Variants in NXN observed in about 807,000 individuals in gnomAD.
The protein encoded by NXN is nucleoredoxin 1.
A neutral mutation model predicts 48.6 loss-of-function variants in NXN; 16 were observed. The observed-to-expected ratio is 0.33, with a 90% CI of 0.22 to 0.50. NXN has a LOEUF of 0.50. Ranked by LOEUF, NXN falls within the 20% of genes least tolerant of loss-of-function variation. NXN has a pLI of 0.98. For missense variants in NXN, 492 were observed against 605.5 expected, an observed-to-expected ratio of 0.81 and a Z score of 1.97; for synonymous variants, 281 against 269.6, an observed-to-expected ratio of 1.04 and a Z score of -0.41.
At chr17:910,232 C>A (rs1011334349) in intron 1 of NXN, among the ~76,000 whole-genome samples, 9 of 151,984 alleles carry the variant, frequency 5.9e-5, no homozygotes, top group Non-Finnish European at 1.3e-4. Flanking sequence ...GCCAACAGGG[C>A]GAGACCCTGT....
rs908351657 is a variant in NXN at position 853,726 on chromosome 17, T to A, written c.361-27648A>T. On this transcript the variant is annotated intron_variant, in intron 1 of 7. Transcript: ENST00000336868. ...ACATATATATATATATATATATATT[T>A]TTTTTTTTTTTTCCAAGACGGAGTC... 7.2e-3 allele frequency among the ~76,000 whole-genome samples: 995 copies of A among 138,256 alleles called. 7 individuals are homozygous for A. The highest frequency in any genetic ancestry group is 0.017 in the East Asian group (86 of 4,928). The allele number at this position is 138,256 out of a possible 152,430, so 90.7% of individuals were successfully genotyped here.
At chr17:907,281 T>G (rs1489514961) in intron 1 of NXN, among the ~76,000 whole-genome samples, 3 of 152,136 alleles carry the variant, frequency 2.0e-5, no homozygotes, top group Admixed American at 6.6e-5. Context: ...TACCTGTGAA[T>G]TTAGGTGATT....
intron 1 of NXN, chr17:959,207 G>A (rs1367710903): frequency 1.9e-6 from 2 of 1,035,576 alleles, no homozygotes; most frequent in Non-Finnish European, 2.6e-6. Flanking sequence ...GCCAGTACGT[G>A]TGTCAGCAGA....
At chr17:850,923 C>T (rs1386677585) in intron 1 of NXN, among the ~76,000 whole-genome samples, 1 of 152,172 alleles carries the variant, frequency 6.6e-6, no homozygotes, top group East Asian at 1.9e-4. Flanking sequence ...GAGGCGGCAA[C>T]GAGACTTGAC....
chr17:812,571 C>G (rs1218233042), intron 5 of NXN, among the ~76,000 whole-genome samples: 2 of 151,724 alleles, frequency 1.3e-5, no homozygotes, highest in African/African-American at 4.9e-5. Context: ...GTGTGTGAGT[C>G]TGTGTGTGCA....
chr17:971,438 C>T (rs1274709365), intron 1 of NXN, among the ~76,000 whole-genome samples: 2 of 151,932 alleles, frequency 1.3e-5, no homozygotes, highest in South Asian at 2.1e-4. Flanking sequence ...AGACCGAGCG[C>T]GGTGGCTCAC....
intron 1 of NXN, among the ~76,000 whole-genome samples, chr17:878,980 C>T (rs1360830030): frequency 1.3e-5 from 2 of 152,030 alleles, no homozygotes; most frequent in African/African-American, 4.8e-5. Flanking sequence ...GCCTGACCAA[C>T]ATGGCGAAAC....
At chr17:912,750 C>T (rs754463427) in intron 1 of NXN, among the ~76,000 whole-genome samples, 9 of 152,024 alleles carry the variant, frequency 5.9e-5, no homozygotes, top group Non-Finnish European at 7.4e-5. Flanking sequence ...GTCAGGAGTT[C>T]GAGACCAGCC....
chr17:879,295 GTTTTTTT>G (rs762029954), intron 1 of NXN, among the ~76,000 whole-genome samples: 1 of 60,306 alleles, frequency 1.7e-5, no homozygotes, highest in African/African-American at 4.0e-5. Context: ...TTGGTTTTTT[GTTTTTTT>G]TTTTTGAGAC....
rs113354297 is a variant in NXN, at chr17:885,536, A to G, written c.361-59458T>C. Among the ~76,000 whole-genome samples, 299 of 151,932 alleles carry G rather than the reference A, an allele frequency of 2.0e-3. 1 individual carries two copies. Among genetic ancestry groups the G allele is most frequent in the African/African-American group, 6.6e-3 (272 of 41,430 alleles). On this transcript the variant is annotated intron_variant, in intron 1 of 7. Coordinates refer to ENST00000336868, the MANE Select transcript of NXN (RefSeq NM_022463.5). ...TTCAGGATTTCATAGTCCGTCTCCT[A>G]TGTCTAGTCTTTCATTTCTCATAAT...
chr17:883,468 G>A (rs1369367041), intron 1 of NXN, among the ~76,000 whole-genome samples: 2 of 151,578 alleles, frequency 1.3e-5, no homozygotes, highest in Admixed American at 6.6e-5. Context: ...TCCAAACCCC[G>A]CCTACATCAC....
chr17:951,777 C>A (rs1171339837), intron 1 of NXN, among the ~76,000 whole-genome samples: 1 of 152,212 alleles, frequency 6.6e-6, no homozygotes, highest in Non-Finnish European at 1.5e-5. Context: ...GCAGCAGGAA[C>A]CTTCACCTGG....
chr17:801,443 C>CTT (rs71371579), intron 7 of NXN, among the ~76,000 whole-genome samples: 1,853 of 104,192 alleles, frequency 0.018, 160 homozygotes, highest in African/African-American at 0.061. Flanking sequence ...ATGTCACATT[C>CTT]TTTTTTTTTT....
chr17:898,843 G>A (rs2068512002), intron 1 of NXN, among the ~76,000 whole-genome samples: 1 of 70,216 alleles, frequency 1.4e-5, no homozygotes, highest in Admixed American at 1.6e-4. Flanking sequence ...AAAACAGACT[G>A]TCTCAAAAAA....
At chr17:856,353 A>G (rs1269786016) in intron 1 of NXN, among the ~76,000 whole-genome samples, 1 of 152,196 alleles carries the variant, frequency 6.6e-6, no homozygotes, top group Non-Finnish European at 1.5e-5. Flanking sequence ...AAACTTGCTC[A>G]TGGAGGTCTT....
chr17:866,175 T>C (rs892329921), intron 1 of NXN, among the ~76,000 whole-genome samples: 1 of 152,190 alleles, frequency 6.6e-6, no homozygotes, highest in Admixed American at 6.5e-5. Flanking sequence ...AGGAAGAGAC[T>C]GGCAAGATAT....
intron 3 of NXN, among the ~76,000 whole-genome samples, chr17:823,092 T>A (rs1368821744): frequency 8.0e-6 from 1 of 125,566 alleles, no homozygotes; most frequent in Non-Finnish European, 1.6e-5. Flanking sequence ...AGAGCAAGAC[T>A]CTGTCTCAAA....
chr17:893,233 G>C (rs1055181440), intron 1 of NXN, among the ~76,000 whole-genome samples: 2 of 152,220 alleles, frequency 1.3e-5, no homozygotes, highest in African/African-American at 2.4e-5. Flanking sequence ...TTCCTGGACA[G>C]AGACTGGAAA....
intron 1 of NXN, among the ~76,000 whole-genome samples, chr17:934,744 C>G (rs1191569602): frequency 2.0e-5 from 3 of 147,744 alleles, no homozygotes; most frequent in Non-Finnish European, 4.5e-5. Context: ...CGTGATGGCA[C>G]GCACCTGTAA....
Sources: gnomAD v4.1 joint callset for allele counts (sites outside exome capture counted in the v4.1 genomes callset) on GRCh38, gnomAD v4.1.1 for gene constraint, MANE v1.5 for transcripts, NCBI Gene and HGNC (gene_info 2026-07-23, HGNC 2026-07-21) for gene names.